CACNA1E: variants seen among roughly 807,000 people sequenced by gnomAD.
CACNA1E encodes calcium voltage-gated channel subunit alpha1 E.
CACNA1E carries 40 observed loss-of-function variants against 259.2 expected under a neutral mutation model. The ratio of observed to expected loss-of-function variants is 0.15; its 90% CI spans 0.12 to 0.20. The LOEUF is 0.20. Among genes scored for constraint, CACNA1E ranks in the 10% least tolerant of loss-of-function variants. The pLI is 1.00. For synonymous variants in CACNA1E, 1,104 were observed against 1,138.5 expected (o/e 0.97, Z 0.61); for missense variants, 1,874 against 3,040.1 (o/e 0.62, Z 9.02).
At chr1:181,658,546 C>T (rs747246051) in intron 7 of CACNA1E, among the ~76,000 whole-genome samples, 3 of 152,154 alleles carry the variant, frequency 2.0e-5, no homozygotes, top group South Asian at 2.1e-4. Flanking sequence ...CTATATCCTT[C>T]GATAATATTA....
At chr1:181,686,291 T>G (rs950936953) in intron 7 of CACNA1E, among the ~76,000 whole-genome samples, 2 of 135,816 alleles carry the variant, frequency 1.5e-5, no homozygotes, top group Admixed American at 7.4e-5. Context: ...TTTTTTTTTT[T>G]TTTTTTTTTT....
At chr1:181,567,998 A>G (rs895434223) in intron 3 of CACNA1E, among the ~76,000 whole-genome samples, 8 of 152,182 alleles carry the variant, frequency 5.3e-5, no homozygotes, top group African/African-American at 1.9e-4. Flanking sequence ...GATGTAAAAT[A>G]CATTGCTTAA....
At chr1:181,530,151 A>C (rs1023703399) in intron 3 of CACNA1E, among the ~76,000 whole-genome samples, 3 of 152,204 alleles carry the variant, frequency 2.0e-5, no homozygotes, top group African/African-American at 7.2e-5. Flanking sequence ...TAAATCTCAC[A>C]AGATCTGATG....
chr1:181,607,484 A>G (rs1654341063), intron 6 of CACNA1E, among the ~76,000 whole-genome samples: 1 of 152,060 alleles, frequency 6.6e-6, no homozygotes, highest in South Asian at 2.1e-4. Context: ...ACTGGTCTGT[A>G]TCCTTGCGAT....
At chr1:181,538,860 GAATTTTGA>G (rs1405093853) in intron 3 of CACNA1E, among the ~76,000 whole-genome samples, 6 of 152,190 alleles carry the variant, frequency 3.9e-5, no homozygotes, top group Admixed American at 3.9e-4. Flanking sequence ...GGCTTCTGTT[GAATTTTGA>G]AAAAGATCAT....
At chr1:181,755,926 G>A (rs935744668) in intron 28 of CACNA1E, 30 bp from the exon 29 acceptor site, 21 of 1,606,532 alleles carry the variant, frequency 1.3e-5, no homozygotes, top group Non-Finnish European at 1.8e-5. Flanking sequence ...ATAGTGAGGA[G>A]GCTCTCTTTC....
intron 7 of CACNA1E, among the ~76,000 whole-genome samples, chr1:181,705,849 A>C (rs1255753808): frequency 6.6e-6 from 1 of 152,210 alleles, no homozygotes. Context: ...CTGATGAAGA[A>C]ATTGAGACAG....
At chr1:181,420,928 C>T (rs1165302256) in intron 2 of CACNA1E, among the ~76,000 whole-genome samples, 4 of 152,182 alleles carry the variant, frequency 2.6e-5, no homozygotes, top group African/African-American at 9.7e-5. Flanking sequence ...AGTCTGTCTG[C>T]TCCCCATTGT....
At chr1:181,424,181 C>T (rs1044565351) in intron 2 of CACNA1E, among the ~76,000 whole-genome samples, 2 of 152,196 alleles carry the variant, frequency 1.3e-5, no homozygotes, top group African/African-American at 4.8e-5. Context: ...AACCACCAGC[C>T]AAGAAGAGAC....
Position 181,798,210 on chromosome 1 carries a change from T to C in CACNA1E, c.6400-82T>C, listed in dbSNP as rs902167937. ...AGGCCTCTCCCTGACAGAATTCAGA[T>C]TCCAAGGACTCTCTTAACAGAGTTG... On this transcript the variant is annotated intron_variant, in intron 47 of 47. Transcript: ENST00000367573. This position sits in a 1 kb window ranked among gnomAD's most constrained non-coding sequence, Gnocchi z 4.2. The C allele has an allele frequency of 1.5e-5, 18 of 1,174,316 alleles. No homozygotes were observed. The highest frequency in any genetic ancestry group is 5.8e-5 in the South Asian group (4 of 68,866). The allele number at this position is 1,174,316 out of a possible 1,614,324, so 72.7% of individuals were successfully genotyped here.
At chr1:181,515,646 A>G (rs1666524071) in intron 3 of CACNA1E, among the ~76,000 whole-genome samples, 2 of 152,200 alleles carry the variant, frequency 1.3e-5, no homozygotes. Flanking sequence ...GAGAATTCCA[A>G]ATTAGTTGAA....
intron 6 of CACNA1E, among the ~76,000 whole-genome samples, chr1:181,638,032 G>A (rs1040052360): frequency 6.6e-6 from 1 of 152,164 alleles, no homozygotes; most frequent in Non-Finnish European, 1.5e-5. Context: ...TAGGGGATTG[G>A]CATGGGCAAA....
At chr1:181,372,825 TA>T (rs34601654) in intron 1 of CACNA1E, among the ~76,000 whole-genome samples, 31,524 of 131,776 alleles carry the variant, frequency 0.24, 3,464 homozygotes, top group Admixed American at 0.27. Flanking sequence ...TATATATATA[TA>T]TATTTTTTTT....
At chr1:181,531,725 T>A (rs1667796657) in intron 3 of CACNA1E, among the ~76,000 whole-genome samples, 1 of 152,158 alleles carries the variant, frequency 6.6e-6, no homozygotes, top group Non-Finnish European at 1.5e-5. Flanking sequence ...GAGTGTGGGT[T>A]CTAAGCTCAT....
chr1:181,426,829 CCATCTAAACCCCTTCA>C (rs1659296786), intron 2 of CACNA1E, among the ~76,000 whole-genome samples: 1 of 147,650 alleles, frequency 6.8e-6, no homozygotes, highest in African/African-American at 2.5e-5. Context: ...CAACTCCTTC[CCATCTAAACCCCTTCA>C]CATGTCAACC....
chr1:181,487,351 C>T (rs1663921306), intron 1 of CACNA1E, among the ~76,000 whole-genome samples: 1 of 152,116 alleles, frequency 6.6e-6, no homozygotes, highest in South Asian at 2.1e-4. Flanking sequence ...GGAGGGTAAT[C>T]TTATCCAGTT....
intron 1 of CACNA1E, among the ~76,000 whole-genome samples, chr1:181,373,537 CTTTTTT>C: frequency 8.3e-6 from 1 of 120,912 alleles, no homozygotes; most frequent in Non-Finnish European, 1.7e-5. Context: ...TCTTTTCTTT[CTTTTTT>C]TTTTTTTTTT....
At chr1:181,375,480 G>A (rs1179439545) in intron 1 of CACNA1E, among the ~76,000 whole-genome samples, 2 of 152,172 alleles carry the variant, frequency 1.3e-5, no homozygotes, top group African/African-American at 4.8e-5. Context: ...GCTGGTTCCT[G>A]GAGGATCAGG....
chr1:181,520,275 A>G (rs1047168693), intron 3 of CACNA1E, among the ~76,000 whole-genome samples: 4 of 152,242 alleles, frequency 2.6e-5, no homozygotes, highest in Non-Finnish European at 5.9e-5. Flanking sequence ...TAATTCTATT[A>G]TCAACAATTC....
Sources: allele counts gnomAD v4.1 joint callset (sites outside exome capture counted in the v4.1 genomes callset), GRCh38; gene constraint gnomAD v4.1.1; non-coding constraint Gnocchi (gnomAD v3.1); transcripts MANE v1.5; gene names NCBI Gene and HGNC (gene_info 2026-07-23, HGNC 2026-07-21).